Variants in SCARB1 observed in about 807,000 individuals in gnomAD.
The protein encoded by SCARB1 is scavenger receptor class B member 1, also known as CD36 and LIMPII analogous 1.
In SCARB1, 30 loss-of-function variants were observed where a neutral mutation model predicts 57.2. That is an observed-to-expected ratio of 0.52 (90% CI 0.39 to 0.71). SCARB1 has a LOEUF of 0.71. Ranked by LOEUF, SCARB1 falls within the 30% of genes least tolerant of loss-of-function variation. SCARB1 has a pLI of 0.00. For missense variants in SCARB1, 543 were observed against 671.2 expected (o/e 0.81, Z 2.11); for synonymous variants, 249 against 268.3 (o/e 0.93, Z 0.70).
intron 8 of SCARB1, among the ~76,000 whole-genome samples, chr12:124,797,108 G>T (rs1449352342): frequency 6.6e-6 from 1 of 152,114 alleles, no homozygotes; most frequent in Non-Finnish European, 1.5e-5. Context: ...GAGCTTCCCT[G>T]CTAGACAACA....
Position 124,807,613 on chromosome 12 carries a change from A to G in SCARB1, c.1009+148T>C. ...CCTGGCATTTCTTCCTTTTCAGATT[A>G]TCTTCCTGCGGCCTCATTATCTTCG... is the stretch of plus-strand genomic sequence containing the variant. On this transcript the variant is annotated intron_variant, in intron 7 of 12. Transcript: ENST00000261693. The surrounding 1 kb of genome is among the most constrained non-coding windows in gnomAD (Gnocchi z 5.3). The G allele has an allele frequency of 6.6e-6, 5 of 755,210 alleles. No individual in the cohort carries two copies. The highest frequency in any genetic ancestry group is 1.1e-5 in the Non-Finnish European group (5 of 464,526). The allele number at this position is 755,210 out of a possible 1,614,324, so 46.8% of individuals were successfully genotyped here. A position where few individuals can be genotyped will look rare whatever the true frequency, so the allele number is the denominator to read the frequency against.
At chr12:124,854,973 C>T (rs997456630) in intron 1 of SCARB1, among the ~76,000 whole-genome samples, 4 of 152,054 alleles carry the variant, frequency 2.6e-5, no homozygotes, top group African/African-American at 9.7e-5. Flanking sequence ...GAGGAGCCCA[C>T]CCCAGGGATG....
intron 1 of SCARB1, among the ~76,000 whole-genome samples, chr12:124,823,095 T>C (rs1221038654): frequency 1.3e-5 from 2 of 152,204 alleles, no homozygotes; most frequent in African/African-American, 4.8e-5. Flanking sequence ...AAGACTAACA[T>C]ATCAATAGAA....
intron 1 of SCARB1, among the ~76,000 whole-genome samples, chr12:124,846,423 C>T (rs1399810891): frequency 6.6e-6 from 1 of 152,070 alleles, no homozygotes; most frequent in Non-Finnish European, 1.5e-5. Context: ...TGTCATAACC[C>T]AGAAGTGAAC....
At position 124,823,169 on chromosome 12, in the gene SCARB1, G is replaced by C. The variant is rs922446160; in HGVS notation, c.127-5462C>G. On this transcript the variant is annotated intron_variant, in intron 1 of 12. Coordinates refer to ENST00000261693, the MANE Select transcript of SCARB1 (RefSeq NM_005505.5). ...GGGTGAAAATTCTGTTTCCTGATCT[G>C]GTTGCTGGTTACCCGGGACTATGTT... 2.0e-5 allele frequency among the ~76,000 whole-genome samples: 3 copies of C among 152,136 alleles called. No individual in the cohort carries two copies. In the South Asian group the frequency reaches 6.2e-4, roughly 31 times the overall value.
intron 1 of SCARB1, among the ~76,000 whole-genome samples, chr12:124,844,801 T>C (rs567957496): frequency 1.3e-4 from 20 of 148,714 alleles, no homozygotes; most frequent in African/African-American, 3.5e-4. Context: ...ATGGACATTT[T>C]TTTCTTTCTT....
chr12:124,811,520 C>T (rs374434813), intron 5 of SCARB1, among the ~76,000 whole-genome samples: 9 of 152,206 alleles, frequency 5.9e-5, no homozygotes, highest in Admixed American at 2.6e-4. Flanking sequence ...TGATCCCCCC[C>T]ACCTCGGCCT....
At chr12:124,781,327 C>CT (rs1873432047) in intron 12 of SCARB1, among the ~76,000 whole-genome samples, 1 of 152,248 alleles carries the variant, frequency 6.6e-6, no homozygotes, top group Admixed American at 6.5e-5. Context: ...ATGTGGCTCC[C>CT]TGGAAAGCTA....
At chr12:124,834,530 T>C (rs1790945712) in intron 1 of SCARB1, among the ~76,000 whole-genome samples, 1 of 152,230 alleles carries the variant, frequency 6.6e-6, no homozygotes, top group South Asian at 2.1e-4. Flanking sequence ...GTGAGCATAG[T>C]ACTGTGGTCA....
intron 8 of SCARB1, among the ~76,000 whole-genome samples, chr12:124,798,336 A>G (rs2694826): frequency 0.63 from 95,225 of 151,828 alleles, 31,160 homozygotes; most frequent in African/African-American, 0.81. Flanking sequence ...GCTTGAACCC[A>G]GGAGGCAGAG....
At chr12:124,795,329 C>G (rs1399158719) in intron 8 of SCARB1, 61 bp from the exon 9 acceptor site, 6 of 1,339,310 alleles carry the variant, frequency 4.5e-6, no homozygotes, top group Non-Finnish European at 5.4e-6. Flanking sequence ...CACCGTCAAC[C>G]CTCCTCTCCC....
At position 124,812,079 on chromosome 12, in the gene SCARB1, C is replaced by T; in HGVS notation, c.631-114G>A. On this transcript the variant is annotated intron_variant, in intron 4 of 12. Transcript: ENST00000261693. The surrounding 1 kb of genome is among the most constrained non-coding windows in gnomAD (Gnocchi z 4.3). Reference sequence around the variant, plus strand: ...CCCTCCACCAGAAGGACAGGGCCCCCAGCATCTGGTTCACTGCCAAATGCC... The same window carrying T: ...CCCTCCACCAGAAGGACAGGGCCCCTAGCATCTGGTTCACTGCCAAATGCC... 1.2e-6 allele frequency: 1 copy of T among 806,126 alleles called. No homozygotes were observed. The highest frequency in any genetic ancestry group is 2.1e-6 in the Non-Finnish European group (1 of 472,434). The allele number at this position is 806,126 out of a possible 1,614,324, so 49.9% of individuals were successfully genotyped here. A position where few individuals can be genotyped will look rare whatever the true frequency, so the allele number is the denominator to read the frequency against.
rs780772561 is a variant in SCARB1, at chr12:124,815,067, A to C, written c.332T>G (p.Val111Gly). The C allele has an allele frequency of 3.7e-6, 6 of 1,614,050 alleles. No homozygotes were observed. In the Admixed American group the frequency reaches 8.3e-5, roughly 22 times the overall value. Residue 111 changes from valine (V) to glycine (G), a missense_variant, in exon 3 of 13, where the codon GTG (valine) becomes GGG (glycine). Coordinates refer to ENST00000261693, the MANE Select transcript of SCARB1 (RefSeq NM_005505.5). ...SNITFNNNDT[V>G]SFLEYRTFQF... ...GAAGGTGCGGTACTCGAGGAAGGAC[A>C]CGGTGTCGTTGTTGTTGAAGGTGAT...
In SCARB1 at chr12:124,815,069, G is replaced by C. The variant is rs780008086; in HGVS notation, c.330C>G (p.Thr110=). 3.7e-5 allele frequency: 60 copies of C among 1,613,998 alleles called. No homozygotes were observed. The Middle Eastern group carries it at 4.9e-4, about 13-fold the overall frequency. ...AGGTGCGGTACTCGAGGAAGGACACGGTGTCGTTGTTGTTGAAGGTGATGT... is the reference window on the plus strand; with the variant it reads ...AGGTGCGGTACTCGAGGAAGGACACCGTGTCGTTGTTGTTGAAGGTGATGT... The part of the protein sequence containing the change: ...KSNITFNNND[T]VSFLEYRTFQ... The change falls in exon 3 of 13, where the codon ACC becomes ACG. Residue 110 remains threonine, a synonymous_variant. Coordinates refer to ENST00000261693, the MANE Select transcript of SCARB1 (RefSeq NM_005505.5).
intron 9 of SCARB1, among the ~76,000 whole-genome samples, chr12:124,788,977 G>C (rs868461612): frequency 3.3e-5 from 5 of 152,168 alleles, no homozygotes; most frequent in Non-Finnish European, 7.3e-5. Context: ...TGATGATGGT[G>C]GGTACGGCTG....
chr12:124,853,426 G>A (rs1438925649), intron 1 of SCARB1, among the ~76,000 whole-genome samples: 11 of 136,226 alleles, frequency 8.1e-5, no homozygotes, highest in South Asian at 4.7e-4. Flanking sequence ...ACGGAGTCTC[G>A]CTCTGTCACC....
chr12:124,778,504 T>G lies in SCARB1; in HGVS notation c.*83A>C. ...GCTGGGGGGCTGTCCGCTGGGAGAG[T>G]CCGGGAGAAGCGGGGTGTAGGGGCT... is the stretch of plus-strand genomic sequence containing the variant. On this transcript the variant is annotated 3_prime_UTR_variant, in exon 13 of 13. Coordinates refer to ENST00000261693, the MANE Select transcript of SCARB1 (RefSeq NM_005505.5). The G allele has an allele frequency of 7.5e-7, 1 of 1,337,474 alleles. No homozygotes were observed. Among genetic ancestry groups the G allele is most frequent in the Non-Finnish European group, 9.6e-7 (1 of 1,040,076 alleles). 82.9% of individuals were successfully genotyped at this position (1,337,474 alleles called of 1,614,324 possible).
At chr12:124,837,765 G>A (rs928210105) in intron 1 of SCARB1, among the ~76,000 whole-genome samples, 4 of 151,536 alleles carry the variant, frequency 2.6e-5, no homozygotes, top group East Asian at 1.9e-4. Flanking sequence ...TGAGCCAGGC[G>A]TGGTGGCACA....
chr12:124,823,265 AC>A (rs1951012251), intron 1 of SCARB1, among the ~76,000 whole-genome samples: 1 of 152,126 alleles, frequency 6.6e-6, no homozygotes, highest in Admixed American at 6.6e-5. Flanking sequence ...CTTCACTAAA[AC>A]CCTTTTGAAA....
Sources: gnomAD v4.1 joint callset for allele counts (sites outside exome capture counted in the v4.1 genomes callset) on GRCh38, gnomAD v4.1.1 for gene constraint, Gnocchi (gnomAD v3.1) non-coding constraint, MANE v1.5 for transcripts, NCBI Gene and HGNC (gene_info 2026-07-23, HGNC 2026-07-21) for gene names.